PDE1C: variants seen among roughly 807,000 people sequenced by gnomAD.
PDE1C encodes phosphodiesterase 1C.
Under a neutral mutation model 93.1 loss-of-function variants are expected in PDE1C, and 62 were observed. That is an observed-to-expected ratio of 0.67 (90% CI 0.54 to 0.82). The LOEUF is 0.82. Ranked by LOEUF, PDE1C falls within the 40% of genes least tolerant of loss-of-function variation. The pLI, the probability that PDE1C is intolerant of heterozygous loss-of-function variation, is 0.00. For synonymous variants in PDE1C, 325 were observed against 310.1 expected, an observed-to-expected ratio of 1.05 and a Z score of -0.50; for missense variants, 742 against 884.6, an observed-to-expected ratio of 0.84 and a Z score of 2.04.
chr7:31,899,350 G>A (rs1799695494), intron 2 of PDE1C, among the ~76,000 whole-genome samples: 1 of 151,950 alleles, frequency 6.6e-6, no homozygotes, highest in African/African-American at 2.4e-5. Context: ...GTGTTAGCCA[G>A]GATTGTCTCG....
intron 2 of PDE1C, among the ~76,000 whole-genome samples, chr7:32,042,427 T>C (rs1791952111): frequency 6.6e-6 from 1 of 152,250 alleles, no homozygotes; most frequent in Non-Finnish European, 1.5e-5. Flanking sequence ...GTCTGCTCAT[T>C]TGAGTTACCT....
At chr7:32,415,166 T>C (rs115645959) in intron 1 of PDE1C, among the ~76,000 whole-genome samples, 1,939 of 152,044 alleles carry the variant, frequency 0.013, 48 homozygotes, top group African/African-American at 0.044. Context: ...AATAAATAAA[T>C]ATGGTTGGAC....
chr7:31,831,251 A>C (rs1268626105), intron 11 of PDE1C, among the ~76,000 whole-genome samples: 2 of 152,196 alleles, frequency 1.3e-5, no homozygotes, highest in Non-Finnish European at 2.9e-5. Flanking sequence ...ATAGCATAGT[A>C]AAGTTTTAGC....
At chr7:31,760,081 G>A (rs1794735623) in intron 17 of PDE1C, among the ~76,000 whole-genome samples, 1 of 152,176 alleles carries the variant, frequency 6.6e-6, no homozygotes, top group Non-Finnish European at 1.5e-5. Context: ...ACAAAGCTGT[G>A]TAATAGGTGT....
the PDE1C span, among the ~76,000 whole-genome samples, chr7:31,623,141 C>T: frequency 2.6e-5 from 4 of 152,044 alleles, no homozygotes; most frequent in Admixed American, 2.6e-4. Flanking sequence ...GAGTCCAGGA[C>T]CAGATGGATT....
intron 2 of PDE1C, among the ~76,000 whole-genome samples, chr7:32,180,897 T>C (rs998558600): frequency 6.6e-6 from 1 of 152,218 alleles, no homozygotes. Context: ...AAGAATGGAC[T>C]GTGTCCCATC....
At chr7:31,620,520 C>G in the PDE1C span, among the ~76,000 whole-genome samples, 2 of 151,324 alleles carry the variant, frequency 1.3e-5, no homozygotes, top group African/African-American at 4.9e-5. Flanking sequence ...GGACCTCTAG[C>G]AAACTCCAAC....
intron 2 of PDE1C, among the ~76,000 whole-genome samples, chr7:31,886,845 G>GGAATA (rs140923964): frequency 5.2e-5 from 2 of 38,408 alleles, no homozygotes; most frequent in African/African-American, 2.3e-4. Flanking sequence ...AGATCTTTTC[G>GGAATA]GATCTTTTCA....
At chr7:31,816,359 G>A (rs184289098) in intron 14 of PDE1C, among the ~76,000 whole-genome samples, 1 of 152,044 alleles carries the variant, frequency 6.6e-6, no homozygotes, top group Non-Finnish European at 1.5e-5. Flanking sequence ...AAAACAGTTA[G>A]AGGAGAGGTC....
the PDE1C span, among the ~76,000 whole-genome samples, chr7:31,675,458 C>T: frequency 2.6e-5 from 4 of 152,098 alleles, no homozygotes; most frequent in African/African-American, 9.7e-5. Flanking sequence ...TTGCTAATAG[C>T]TGGCTTGCCC....
At chr7:31,827,574 T>C (rs1326073067) in intron 12 of PDE1C, among the ~76,000 whole-genome samples, 4 of 152,074 alleles carry the variant, frequency 2.6e-5, no homozygotes, top group African/African-American at 9.7e-5. Context: ...GCCCAATATA[T>C]GAAGACTCAA....
At chr7:31,691,797 T>TAAAAAAAAAAAAAAAAAAAAA in the PDE1C span, among the ~76,000 whole-genome samples, 2 of 86,538 alleles carry the variant, frequency 2.3e-5, no homozygotes, top group African/African-American at 8.9e-5. Context: ...ATGTAATGAT[T>TAAAAAAAAAAAAAAAAAAAAA]AAAAAAAAAA....
chr7:31,785,859 A>G (rs1783873489), intron 16 of PDE1C: 1 of 152,164 alleles, frequency 6.6e-6, no homozygotes, highest in African/African-American at 2.4e-5. Flanking sequence ...TTGGCAGGTA[A>G]TATGTCTCTT....
At chr7:31,708,953 G>A in the PDE1C span, among the ~76,000 whole-genome samples, 3 of 152,200 alleles carry the variant, frequency 2.0e-5, no homozygotes, top group Non-Finnish European at 4.4e-5. Flanking sequence ...CTGTGGCCGG[G>A]TGCTGGTTGA....
Position 32,136,479 on chromosome 7 carries a change from C to A in PDE1C, c.308+33306G>T, listed in dbSNP as rs1371485399. 2.0e-5 allele frequency among the ~76,000 whole-genome samples: 3 copies of A among 152,112 alleles called. No individual in the cohort carries two copies. The South Asian group carries it at 6.2e-4, about 32-fold the overall frequency. On this transcript the variant is annotated intron_variant, in intron 3 of 18. Coordinates refer to the PDE1C transcript ENST00000396193. ...GAAGCACAAATAGCACTAACAATCCCACTAACCCTAAACTAATCATTTATC... is the reference window on the plus strand; with the variant it reads ...GAAGCACAAATAGCACTAACAATCCAACTAACCCTAAACTAATCATTTATC...
At chr7:31,653,067 G>C in the PDE1C span, 1 of 1,019,742 alleles carries the variant, frequency 9.8e-7, no homozygotes. Context: ...TGACTAAATA[G>C]TATACGGTCT....
chr7:31,636,706 T>A, the PDE1C span, among the ~76,000 whole-genome samples: 1 of 151,596 alleles, frequency 6.6e-6, no homozygotes, highest in Non-Finnish European at 1.5e-5. Flanking sequence ...CAGAAGCACA[T>A]AAAGGGATCT....
chr7:32,171,973 G>A lies in PDE1C; in HGVS notation c.137-2017C>T, dbSNP rs58174094. On this transcript the variant is annotated intron_variant, in intron 2 of 18. Coordinates refer to the PDE1C transcript ENST00000396193. Reference sequence around the variant, plus strand: ...ACAGGAAACTGCGTGTAGGCCGTATGAGATCTCTATATTATCTTTGTAATT... The same window carrying A: ...ACAGGAAACTGCGTGTAGGCCGTATAAGATCTCTATATTATCTTTGTAATT... 4.9e-3 allele frequency among the ~76,000 whole-genome samples: 736 copies of A among 150,408 alleles called. 8 individuals are homozygous for A. Among genetic ancestry groups the A allele is most frequent in the African/African-American group, 0.017 (695 of 40,750 alleles).
In PDE1C at chr7:31,751,623, A is replaced by G. The variant is rs1794143598; in HGVS notation, c.*1761T>C. On this transcript the variant is annotated 3_prime_UTR_variant, in exon 18 of 18. Transcript: ENST00000396191. ...GGTGGAACAGACACTACCAGCCTGC[A>G]GAAGGGCCTTCTAACCCAGACACCA... is the stretch of plus-strand genomic sequence containing the variant. 1 of 152,354 alleles carries G rather than the reference A, an allele frequency of 6.6e-6. No homozygotes were observed. Among genetic ancestry groups the G allele is most frequent in the African/African-American group, 2.4e-5 (1 of 41,578 alleles). The allele number at this position is 152,354 out of a possible 1,614,324, so 9.4% of individuals were successfully genotyped here. A position where few individuals can be genotyped will look rare whatever the true frequency, so the allele number is the denominator to read the frequency against.
Sources: allele counts gnomAD v4.1 joint callset (sites outside exome capture counted in the v4.1 genomes callset), GRCh38; gene constraint gnomAD v4.1.1; transcripts MANE v1.5; gene names NCBI Gene and HGNC (gene_info 2026-07-23, HGNC 2026-07-21).